CHD9: variants seen among roughly 807,000 people sequenced by gnomAD.
CHD9 encodes the protein ATP-dependent chromatin remodeler CHD9.
A neutral mutation model predicts 316.1 loss-of-function variants in CHD9; 77 were observed. The observed-to-expected ratio is 0.24, with a 90% CI of 0.20 to 0.29. The LOEUF (loss-of-function observed/expected upper bound fraction) is 0.29. CHD9 is among the 10% of genes least tolerant of loss of function. The pLI is 1.00. For synonymous variants in CHD9, 1,129 were observed against 1,158.3 expected (o/e 0.97, Z 0.51); for missense variants, 2,763 against 3,438.1 (o/e 0.80, Z 4.91).
In CHD9 at chr16:53,249,947, G is replaced by A; in HGVS notation, c.3742G>A (p.Asp1248Asn). The change falls in exon 17 of 39, where the codon GAT becomes AAT. Residue 1248 changes from aspartate (D) to asparagine (N), a missense_variant. Transcript: ENST00000447540. ...TGCTATAGATAGATTTAGTAAACCT[G>A]ATTCAGATAGATTTGTTTTTCTCCT... ...QAAIDRFSKP[D>N]SDRFVFLLCT... 1 of 1,613,806 alleles carries A rather than the reference G, an allele frequency of 6.2e-7. No individual in the cohort carries two copies. The highest frequency in any genetic ancestry group is 8.5e-7 in the Non-Finnish European group (1 of 1,179,786).
At chr16:53,161,877 A>G (rs2041937034) in intron 2 of CHD9, among the ~76,000 whole-genome samples, 1 of 152,014 alleles carries the variant, frequency 6.6e-6, no homozygotes, top group Admixed American at 6.6e-5. Flanking sequence ...TCAGCTTCCC[A>G]AGCAGCTTGG....
Position 53,245,631 on chromosome 16 carries a change from T to C in CHD9, c.3235T>C (p.Leu1079=), listed in dbSNP as rs763359391. ...TCAGGCTATCCTGAAACCAATGATG[T>C]TGAGACGATTAAAAGAAGATGTGGA... ...KLQAILKPMM[L]RRLKEDVEKK... The change falls in exon 15 of 39, where the codon TTG becomes CTG. Residue 1079 remains leucine (L), a synonymous_variant. Coordinates refer to ENST00000447540, the MANE Select transcript of CHD9 (RefSeq NM_001308319.2). The surrounding 1 kb of genome is among the most constrained non-coding windows in gnomAD (Gnocchi z 4.1). 6.2e-7 allele frequency: 1 copy of C among 1,601,772 alleles called. No homozygotes were observed. Among genetic ancestry groups the C allele is most frequent in the South Asian group, 1.1e-5 (1 of 88,334 alleles).
In CHD9 at chr16:53,276,928, C is replaced by T. The variant is rs117843022; in HGVS notation, c.4967+2626C>T. Among the ~76,000 whole-genome samples the T allele has an allele frequency of 8.3e-4, 127 of 152,262 alleles. 1 individual carries two copies. The highest frequency in any genetic ancestry group is 3.4e-3 in the Middle Eastern group (1 of 294). The stretch of plus-strand genomic sequence containing the variant: ...AGTAGAAATAAAACAGGAGATATTA[C>T]AACTGACACCACGGAAATACAAAAG... On this transcript the variant is annotated intron_variant, in intron 24 of 38. Coordinates refer to ENST00000447540, the MANE Select transcript of CHD9 (RefSeq NM_001308319.2).
At chr16:53,131,320 C>G (rs1256978795) in intron 1 of CHD9, 12 of 152,130 alleles carry the variant, frequency 7.9e-5, no homozygotes, top group South Asian at 1.8e-4. Flanking sequence ...CAGCCGCCGC[C>G]GCCGCCGCCG....
At chr16:53,314,635 C>G (rs576127602) in intron 35 of CHD9, 119 bp downstream of exon 35, 1 of 991,864 alleles carries the variant, frequency 1.0e-6, no homozygotes, top group South Asian at 1.9e-5. Context: ...AGAAGTATGC[C>G]ATATAATTTT....
intron 9 of CHD9, 54 bp from the exon 10 acceptor site, chr16:53,231,593 C>A: frequency 7.1e-7 from 1 of 1,411,076 alleles, no homozygotes; most frequent in South Asian, 1.3e-5. Context: ...TCTGTTTAAA[C>A]TATTTCTTAC....
At chr16:53,145,980 C>A (rs770527357) in intron 1 of CHD9, among the ~76,000 whole-genome samples, 2 of 151,968 alleles carry the variant, frequency 1.3e-5, no homozygotes, top group Admixed American at 1.3e-4. Context: ...AAGACAAATC[C>A]TGTATGATTG....
intron 2 of CHD9, among the ~76,000 whole-genome samples, chr16:53,171,277 G>A (rs2042699028): frequency 6.6e-6 from 1 of 152,000 alleles, no homozygotes; most frequent in African/African-American, 2.4e-5. Flanking sequence ...AAATTAGCCA[G>A]GCATGGTGGC....
chr16:53,295,141 T>A (rs1042212876), intron 29 of CHD9, among the ~76,000 whole-genome samples: 3 of 152,158 alleles, frequency 2.0e-5, no homozygotes, highest in Non-Finnish European at 4.4e-5. Context: ...TTTTTTTCTT[T>A]CTTGAGACGG....
chr16:53,183,438 T>C (rs1236356914), intron 2 of CHD9, among the ~76,000 whole-genome samples: 1 of 152,226 alleles, frequency 6.6e-6, no homozygotes, highest in African/African-American at 2.4e-5. Context: ...GGAGGATGGT[T>C]ATATCTGTAA....
intron 17 of CHD9, among the ~76,000 whole-genome samples, chr16:53,252,338 T>G (rs1372275028): frequency 1.3e-5 from 2 of 152,204 alleles, no homozygotes; most frequent in Non-Finnish European, 2.9e-5. Flanking sequence ...CTGGGATAAT[T>G]GGCAAGCCAC....
chr16:53,304,658 C>T, intron 31 of CHD9, 33 bp downstream of exon 31: 1 of 1,229,076 alleles, frequency 8.1e-7, no homozygotes, highest in Non-Finnish European at 1.1e-6. Flanking sequence ...ACTTTTTTAA[C>T]ATAACTTTTC....
At chr16:53,171,063 G>T (rs1195700541) in intron 2 of CHD9, among the ~76,000 whole-genome samples, 1 of 152,040 alleles carries the variant, frequency 6.6e-6, no homozygotes, top group Non-Finnish European at 1.5e-5. Context: ...TAAAATATCA[G>T]TTATGCTTTT....
chr16:53,295,210 T>A (rs2054667029), intron 29 of CHD9, among the ~76,000 whole-genome samples: 1 of 152,216 alleles, frequency 6.6e-6, no homozygotes. Flanking sequence ...CGCTGCAGCC[T>A]CTGCCTCCGG....
At position 53,156,821 on chromosome 16, in the gene CHD9, T is replaced by C. The variant is rs2041553330; in HGVS notation, c.732T>C (p.Cys244=). ...ATCCTTCAGCACACTTCCACAAGTG[T>C]AGCAGTCATCAAGAAGGAAATTTTA... is the stretch of plus-strand genomic sequence containing the variant. ...TSNPSAHFHK[C]SSHQEGNFNG... is the part of the protein sequence containing the mutation. Residue 244 remains cysteine (C), a synonymous_variant, in exon 2 of 39, where the codon TGT becomes TGC. Transcript: ENST00000447540. 6.2e-7 allele frequency: 1 copy of C among 1,613,742 alleles called. No individual in the cohort carries two copies. The highest frequency in any genetic ancestry group is 8.5e-7 in the Non-Finnish European group (1 of 1,179,888).
chr16:53,133,547 A>G (rs1213039455), intron 1 of CHD9, among the ~76,000 whole-genome samples: 1 of 152,032 alleles, frequency 6.6e-6, no homozygotes. Flanking sequence ...TGTGTAGATA[A>G]TATTAAGTTT....
intron 1 of CHD9, among the ~76,000 whole-genome samples, chr16:53,101,273 C>CTTTT (rs1012377760): frequency 7.0e-4 from 87 of 124,842 alleles, no homozygotes; most frequent in Middle Eastern, 4.7e-3. Context: ...TTTTCCTTTT[C>CTTTT]TTTTTTTTTT....
intron 12 of CHD9, among the ~76,000 whole-genome samples, chr16:53,240,229 G>A (rs778894756): frequency 2.0e-5 from 3 of 151,982 alleles, no homozygotes; most frequent in East Asian, 1.9e-4. Context: ...ATTCTTACTC[G>A]TACATTTGTA....
At chr16:53,154,241 T>C (rs1224105703) in intron 1 of CHD9, among the ~76,000 whole-genome samples, 1 of 152,184 alleles carries the variant, frequency 6.6e-6, no homozygotes, top group Non-Finnish European at 1.5e-5. Flanking sequence ...ATTTTACTAA[T>C]GTTTTACTAA....
Sources: gnomAD v4.1 joint callset for allele counts (sites outside exome capture counted in the v4.1 genomes callset) on GRCh38, gnomAD v4.1.1 for gene constraint, Gnocchi (gnomAD v3.1) non-coding constraint, MANE v1.5 for transcripts, NCBI Gene and HGNC (gene_info 2026-07-23, HGNC 2026-07-21) for gene names.